The following MESD variants were observed in gnomAD, a reference collection of about 807,000 sequenced individuals.
The protein encoded by MESD is LRP chaperone MESD.
A neutral mutation model predicts 12.9 loss-of-function variants in MESD; 7 were observed. The observed-to-expected ratio is 0.54, with a 90% CI of 0.31 to 1.02. The LOEUF is 1.02. Ranked by LOEUF, MESD falls within the 50% of genes least tolerant of loss-of-function variation. MESD has a pLI of 0.05. For synonymous variants in MESD, 126 were observed against 115.6 expected, an observed-to-expected ratio of 1.09 and a Z score of -0.58; for missense variants, 342 against 296.7, an observed-to-expected ratio of 1.15 and a Z score of -1.12.
At chr15:80,969,606 G>C (rs1225696719) in intron 3 of MESD, among the ~76,000 whole-genome samples, 2 of 152,080 alleles carry the variant, frequency 1.3e-5, no homozygotes, top group African/African-American at 4.8e-5. Context: ...TGTAACCCTA[G>C]CGCTTTGGGA....
chr15:80,980,765 G>C (rs1412319939), intron 2 of MESD, among the ~76,000 whole-genome samples: 1 of 151,592 alleles, frequency 6.6e-6, no homozygotes, highest in South Asian at 2.1e-4. Flanking sequence ...GTGAGACCTC[G>C]CCTCTTCAAA....
At chr15:80,985,391 T>C (rs1011206134) in intron 1 of MESD, among the ~76,000 whole-genome samples, 12 of 152,180 alleles carry the variant, frequency 7.9e-5, no homozygotes, top group African/African-American at 2.9e-4. Flanking sequence ...CTGCTGACTC[T>C]TTAGGCCTCT....
Position 80,989,604 on chromosome 15 carries a change from A to T in MESD, c.188T>A (p.Met63Lys). ...KDIRDYNDAD[M>K]ARLLEQWEKD... ...CTCCCATTGCTCCAGAAGACGCGCC[A>T]TGTCTGCATCATTGTAATCGCGAAT... The change falls in exon 1 of 3, where the codon ATG becomes AAG. Residue 63 changes from methionine (M) to lysine (K), a missense_variant. Physicochemically the swap from Met to Lys is moderately conservative, Grantham distance 95 (BLOSUM62 -1). Transcript: ENST00000261758. 1 of 1,613,836 alleles carries T rather than the reference A, an allele frequency of 6.2e-7. No individual in the cohort carries two copies. Among genetic ancestry groups the T allele is most frequent in the Non-Finnish European group, 8.5e-7 (1 of 1,179,886 alleles).
At chr15:80,973,192 G>C (rs1247153711), downstream of MESD, among the ~76,000 whole-genome samples, 3 of 152,148 alleles carry the variant, frequency 2.0e-5, no homozygotes, top group Non-Finnish European at 4.4e-5. Context: ...GGATAGCTGG[G>C]ACGGTGTGAT....
At chr15:80,959,914 T>C (rs537015884) in intron 3 of MESD, among the ~76,000 whole-genome samples, 21 of 152,346 alleles carry the variant, frequency 1.4e-4, no homozygotes, top group Admixed American at 1.2e-3. Context: ...TATTTGTTGA[T>C]GCCCATAGTG....
At chr15:80,961,889 C>T (rs1902093199) in intron 3 of MESD, among the ~76,000 whole-genome samples, 1 of 152,162 alleles carries the variant, frequency 6.6e-6, no homozygotes, top group African/African-American at 2.4e-5. Flanking sequence ...CAAAAACATG[C>T]CAAATTGTAA....
At chr15:80,973,414 C>T (rs150193778), downstream of MESD, among the ~76,000 whole-genome samples, 573 of 152,240 alleles carry the variant, frequency 3.8e-3, 7 homozygotes, top group African/African-American at 0.013. Flanking sequence ...TGGCGTGCAC[C>T]TGTAGTCCCA....
chr15:80,957,100 T>C lies in MESD; in HGVS notation c.*289-4804A>G, dbSNP rs150600185. On this transcript the variant is annotated intron_variant, in intron 3 of 4. Coordinates refer to the MESD transcript ENST00000561312. ...TCAGCCTCCCAAAGTGCTGGGATTA[T>C]AGATATGAACCACCATGCTCAGCTT... Among the ~76,000 whole-genome samples, 1,135 of 152,232 alleles carry C rather than the reference T, an allele frequency of 7.5e-3. 9 individuals carry two copies. Among genetic ancestry groups the C allele is most frequent in the African/African-American group, 0.026 (1,084 of 41,538 alleles).
chr15:80,963,773 T>C (rs1051168988), intron 3 of MESD, among the ~76,000 whole-genome samples: 7 of 152,142 alleles, frequency 4.6e-5, no homozygotes, highest in African/African-American at 7.2e-5. Context: ...TCGAGAAAAT[T>C]CACCAGCCTT....
chr15:80,946,997 A>G, downstream of MESD: 1 of 1,613,970 alleles, frequency 6.2e-7, no homozygotes, highest in Non-Finnish European at 8.5e-7. Flanking sequence ...AAGGGAAGAT[A>G]CGTCTCCAGA....
intron 1 of MESD, among the ~76,000 whole-genome samples, chr15:80,985,881 C>T (rs1188751830): frequency 1.3e-5 from 2 of 151,996 alleles, no homozygotes; most frequent in African/African-American, 2.4e-5. Context: ...TCTCGAACTC[C>T]TGAGCTCGAA....
chr15:80,989,769 C>T lies in MESD; in HGVS notation c.23G>A (p.Arg8His), dbSNP rs752656906. MAASRWA[R>H]KAVVLLCASD... is the part of the protein sequence containing the mutation. ...GGCACAAAGCAGGACCACGGCCTTGCGCGCCCACCTGGAAGCCGCCATTTT... is the reference window on the plus strand; with the variant it reads ...GGCACAAAGCAGGACCACGGCCTTGTGCGCCCACCTGGAAGCCGCCATTTT... The change falls in exon 1 of 3, where the codon CGC becomes CAC. Residue 8 changes from arginine to histidine, a missense_variant. By Grantham distance (29) the Arg-to-His change is conservative. Transcript: ENST00000261758. 2.5e-6 allele frequency: 4 copies of T among 1,592,854 alleles called. No homozygotes were observed. In the African/African-American group the frequency reaches 4.0e-5, roughly 16 times the overall value.
chr15:80,975,228 A>ACC (rs879480535), downstream of MESD, among the ~76,000 whole-genome samples: 2 of 149,056 alleles, frequency 1.3e-5, no homozygotes, highest in African/African-American at 5.0e-5. Context: ...AAACAAAAAA[A>ACC]AAAAAACCTA....
chr15:80,946,994 G>A, downstream of MESD: 1 of 1,613,954 alleles, frequency 6.2e-7, no homozygotes, highest in African/African-American at 1.3e-5. Context: ...TCAAAGGGAA[G>A]ATACGTCTCC....
intron 3 of MESD, chr15:80,953,035 G>C (rs566045493): frequency 2.3e-4 from 103 of 456,102 alleles, no homozygotes; most frequent in Admixed American, 5.2e-4. Context: ...ACAGGTGTTG[G>C]CCTGAGAGTC....
At chr15:80,969,653 G>A (rs947518161) in intron 3 of MESD, among the ~76,000 whole-genome samples, 6 of 152,064 alleles carry the variant, frequency 3.9e-5, no homozygotes, top group Non-Finnish European at 5.9e-5. Flanking sequence ...TCAGGAGCTC[G>A]AGACCACCCT....
chr15:80,979,519 TA>T, intron 2 of MESD, 42 bp from the exon 3 acceptor site: 1 of 1,589,482 alleles, frequency 6.3e-7, no homozygotes, highest in Non-Finnish European at 8.6e-7. Context: ...CACGTACTAG[TA>T]AGGTGCTAAG....
chr15:80,948,905 TGAA>T lies in MESD; in HGVS notation c.*627-10_*627-8del, dbSNP rs200201338. 0.017 allele frequency: 27,506 copies of T among 1,614,116 alleles called. 306 individuals carry two copies. Among genetic ancestry groups the T allele is most frequent in the Non-Finnish European group, 0.021 (25,057 of 1,179,980 alleles). ...TTCCAAGTTGTGCCCATCCCTGTGG[TGAA>T]GAAGAAGAAGTTGTGAGGACAGCTG... On this transcript the variant is annotated splice_polypyrimidine_tract_variant and splice_region_variant and intron_variant, in intron 4 of 4. Transcript: ENST00000561312.
intron 3 of MESD, among the ~76,000 whole-genome samples, chr15:80,956,040 A>T (rs1031380031): frequency 5.3e-5 from 8 of 152,038 alleles, no homozygotes. Flanking sequence ...AAATACAAAA[A>T]TTACCCAGGC....
Sources: gnomAD v4.1 joint callset for allele counts (sites outside exome capture counted in the v4.1 genomes callset) on GRCh38, gnomAD v4.1.1 for gene constraint, MANE v1.5 for transcripts, NCBI Gene and HGNC (gene_info 2026-07-23, HGNC 2026-07-21) for gene names.